The following NKAIN3 variants were observed in gnomAD, a reference collection of about 807,000 sequenced individuals.
NKAIN3 encodes the protein sodium/potassium-transporting ATPase subunit beta-1-interacting protein 3.
NKAIN3 carries 25 observed loss-of-function variants against 30.2 expected under a neutral mutation model. The observed-to-expected ratio is 0.83, with a 90% CI of 0.60 to 1.16. NKAIN3 has a LOEUF of 1.16. Ranked by LOEUF, NKAIN3 falls within the 50% of genes most tolerant of loss-of-function variation. NKAIN3 has a pLI of 0.00. For synonymous variants in NKAIN3, 91 were observed against 89.6 expected (o/e 1.02, Z -0.09); for missense variants, 225 against 254.1 (o/e 0.89, Z 0.78).
At chr8:62,563,041 C>T (rs1235378527) in intron 1 of NKAIN3, among the ~76,000 whole-genome samples, 1 of 152,004 alleles carries the variant, frequency 6.6e-6, no homozygotes, top group Admixed American at 6.6e-5. Context: ...GTGTGGGTCA[C>T]CTATCCTAGG....
chr8:62,923,942 G>A (rs1474340413), intron 5 of NKAIN3, among the ~76,000 whole-genome samples: 1 of 152,120 alleles, frequency 6.6e-6, no homozygotes, highest in African/African-American at 2.4e-5. Context: ...AAACCAACTG[G>A]AGATTCCCTA....
At chr8:62,330,435 T>G (rs917610243) in intron 1 of NKAIN3, among the ~76,000 whole-genome samples, 3 of 151,096 alleles carry the variant, frequency 2.0e-5, no homozygotes, top group African/African-American at 7.3e-5. Context: ...AGAGAGGGAG[T>G]TGAGTTTGAG....
intron 1 of NKAIN3, among the ~76,000 whole-genome samples, chr8:62,461,147 T>C (rs1448402927): frequency 6.6e-6 from 1 of 152,206 alleles, no homozygotes; most frequent in Non-Finnish European, 1.5e-5. Context: ...GTTGAAAGTA[T>C]GTCTCAACAC....
chr8:62,941,674 T>A (rs775379554), intron 5 of NKAIN3, among the ~76,000 whole-genome samples: 17 of 152,106 alleles, frequency 1.1e-4, no homozygotes, highest in Non-Finnish European at 2.5e-4. Flanking sequence ...CATGATCGTA[T>A]CGACAGATGC....
chr8:62,402,303 C>G (rs562201112), intron 1 of NKAIN3, among the ~76,000 whole-genome samples: 5 of 152,260 alleles, frequency 3.3e-5, no homozygotes, highest in South Asian at 2.1e-4. Flanking sequence ...GCCTGGAACT[C>G]TCTTTTCAGA....
chr8:62,817,221 C>T (rs1338499087), intron 4 of NKAIN3, among the ~76,000 whole-genome samples: 1 of 152,108 alleles, frequency 6.6e-6, no homozygotes. Flanking sequence ...TGCCTCTAGT[C>T]AGCCATCTTG....
intron 4 of NKAIN3, among the ~76,000 whole-genome samples, chr8:62,785,506 A>G (rs1241960499): frequency 1.3e-5 from 2 of 152,104 alleles, no homozygotes; most frequent in Non-Finnish European, 2.9e-5. Flanking sequence ...CTAAAATTAG[A>G]TTGTGGTGAT....
chr8:62,520,891 T>G (rs1424974015), intron 1 of NKAIN3, among the ~76,000 whole-genome samples: 1 of 151,806 alleles, frequency 6.6e-6, no homozygotes, highest in East Asian at 2.0e-4. Context: ...AAAAATTATT[T>G]TAAATACTTC....
At chr8:62,946,353 A>G (rs1053999506) in intron 5 of NKAIN3, among the ~76,000 whole-genome samples, 4 of 152,132 alleles carry the variant, frequency 2.6e-5, no homozygotes, top group African/African-American at 9.7e-5. Flanking sequence ...AGCAGCCCCA[A>G]CTGTGGCCTG....
chr8:62,279,861 T>A (rs1175149444), intron 1 of NKAIN3, among the ~76,000 whole-genome samples: 1 of 152,194 alleles, frequency 6.6e-6, no homozygotes, highest in Admixed American at 6.5e-5. Flanking sequence ...ATGTGGGCTC[T>A]TTTTTGGTTC....
At chr8:62,571,826 C>T (rs1325830905) in intron 1 of NKAIN3, among the ~76,000 whole-genome samples, 1 of 152,154 alleles carries the variant, frequency 6.6e-6, no homozygotes, top group Non-Finnish European at 1.5e-5. Flanking sequence ...ATAGCTGAAA[C>T]ATCTGGGACA....
intron 4 of NKAIN3, among the ~76,000 whole-genome samples, chr8:62,842,358 G>C (rs1387042680): frequency 6.6e-6 from 1 of 152,010 alleles, no homozygotes; most frequent in African/African-American, 2.4e-5. Flanking sequence ...GAATGAAATT[G>C]AAGAAAACAC....
intron 3 of NKAIN3, among the ~76,000 whole-genome samples, chr8:62,663,149 A>T (rs1812996099): frequency 6.6e-6 from 1 of 152,228 alleles, no homozygotes; most frequent in African/African-American, 2.4e-5. Context: ...GCAGAGAGTG[A>T]TTTGATGAGT....
At chr8:62,908,818 T>C (rs939489479) in intron 4 of NKAIN3, among the ~76,000 whole-genome samples, 1 of 152,170 alleles carries the variant, frequency 6.6e-6, no homozygotes, top group Non-Finnish European at 1.5e-5. Flanking sequence ...CAGACTAATA[T>C]ACCATATATA....
At chr8:62,598,168 A>T (rs1341265491) in intron 3 of NKAIN3, among the ~76,000 whole-genome samples, 1 of 152,082 alleles carries the variant, frequency 6.6e-6, no homozygotes, top group Non-Finnish European at 1.5e-5. Context: ...CCGGAGAGTG[A>T]GTAAGGCAGA....
At chr8:62,936,569 A>G (rs1011031455) in intron 5 of NKAIN3, among the ~76,000 whole-genome samples, 9 of 152,154 alleles carry the variant, frequency 5.9e-5, no homozygotes, top group African/African-American at 2.2e-4. Flanking sequence ...CAAAATCACT[A>G]CAATTTTTAA....
At chr8:62,939,292 G>A (rs1822881511) in intron 5 of NKAIN3, among the ~76,000 whole-genome samples, 1 of 152,172 alleles carries the variant, frequency 6.6e-6, no homozygotes, top group African/African-American at 2.4e-5. Context: ...TGGTGTTCCT[G>A]GGGAAGAGGA....
intron 3 of NKAIN3, among the ~76,000 whole-genome samples, chr8:62,656,446 AT>A (rs762102036): frequency 1.3e-5 from 2 of 152,004 alleles, no homozygotes; most frequent in African/African-American, 2.4e-5. Context: ...GTATAAAAAA[AT>A]AAATAAATAA....
intron 3 of NKAIN3, among the ~76,000 whole-genome samples, chr8:62,653,946 T>C (rs1812696546): frequency 6.6e-6 from 1 of 152,146 alleles, no homozygotes; most frequent in Non-Finnish European, 1.5e-5. Context: ...ATGGTTTTAA[T>C]CCCTCATCTT....
Sources: allele counts gnomAD v4.1 joint callset (sites outside exome capture counted in the v4.1 genomes callset), GRCh38; gene constraint gnomAD v4.1.1; transcripts MANE v1.5; gene names NCBI Gene and HGNC (gene_info 2026-07-23, HGNC 2026-07-21).